Variants in FRMD3 observed in about 807,000 individuals in gnomAD.
FRMD3 encodes the protein FERM domain-containing protein 3.
In FRMD3, 33 loss-of-function variants were observed where a neutral mutation model predicts 70.2. The ratio of observed to expected loss-of-function variants is 0.47; its 90% CI spans 0.36 to 0.63. FRMD3 has a LOEUF of 0.63. Ranked by LOEUF, FRMD3 falls within the 20% of genes least tolerant of loss-of-function variation. The probability of loss-of-function intolerance (pLI) is 0.00; values close to 1 mark genes in which losing one functional copy is unlikely to be tolerated. For missense variants in FRMD3, 632 were observed against 711.4 expected (o/e 0.89, Z 1.27); for synonymous variants, 279 against 255.9 (o/e 1.09, Z -0.86).
At chr9:83,253,557 A>G (rs1035359624) in intron 13 of FRMD3, among the ~76,000 whole-genome samples, 1 of 152,204 alleles carries the variant, frequency 6.6e-6, no homozygotes, top group Non-Finnish European at 1.5e-5. Flanking sequence ...AATCAAAACC[A>G]CAATGAGATA....
At chr9:83,452,848 C>CTT (rs11346596) in intron 1 of FRMD3, among the ~76,000 whole-genome samples, 1,178 of 72,358 alleles carry the variant, frequency 0.016, 3 homozygotes, top group East Asian at 0.032. Context: ...TTTTTATTGC[C>CTT]TTTTTTTTTT....
chr9:83,263,751 G>A (rs1041341235), intron 13 of FRMD3, among the ~76,000 whole-genome samples: 1 of 152,064 alleles, frequency 6.6e-6, no homozygotes, highest in African/African-American at 2.4e-5. Flanking sequence ...TAAAGCAGGT[G>A]GTTTACTGCA....
intron 6 of FRMD3, among the ~76,000 whole-genome samples, chr9:83,329,002 T>G (rs1836137256): frequency 6.6e-6 from 1 of 152,238 alleles, no homozygotes; most frequent in African/African-American, 2.4e-5. Context: ...TCCTTCTTCA[T>G]GGCCACATTG....
At chr9:83,244,122 CCAT>C (rs10564104), downstream of FRMD3, among the ~76,000 whole-genome samples, 120,205 of 150,382 alleles carry the variant, frequency 0.8, 48,194 homozygotes, top group East Asian at 0.96. Context: ...GAGCAAAACT[CCAT>C]CATCATCTCA....
intron 1 of FRMD3, among the ~76,000 whole-genome samples, chr9:83,477,638 T>G (rs11140110): frequency 1.3e-5 from 2 of 151,998 alleles, no homozygotes; most frequent in African/African-American, 2.4e-5. Flanking sequence ...GAAGAAAAGG[T>G]TTTTTGTCTC....
chr9:83,334,419 T>G (rs1342950597), intron 6 of FRMD3, among the ~76,000 whole-genome samples: 1 of 152,132 alleles, frequency 6.6e-6, no homozygotes, highest in Non-Finnish European at 1.5e-5. Context: ...CTTCCCAGAC[T>G]CACCAGTAGG....
intron 1 of FRMD3, among the ~76,000 whole-genome samples, chr9:83,464,243 C>A (rs1216573962): frequency 2.0e-5 from 3 of 152,192 alleles, no homozygotes; most frequent in African/African-American, 4.8e-5. Context: ...ACGGTGTGTT[C>A]TGATCAGAGG....
chr9:83,248,034 A>G lies in FRMD3; in HGVS notation c.1678T>C (p.Cys560Arg). 6.2e-7 allele frequency: 1 copy of G among 1,614,212 alleles called. No homozygotes were observed. Among genetic ancestry groups the G allele is most frequent in the Non-Finnish European group, 8.5e-7 (1 of 1,180,038 alleles). Residue 560 changes from cysteine to arginine, a missense_variant, in exon 14 of 14, where the codon TGC (cysteine) becomes CGC (arginine). Cys to Arg is a radical substitution (Grantham distance 180, BLOSUM62 -3). Transcript: ENST00000304195. Reference protein sequence around the residue: ...LESGIDLSFLCEIRQTPEFEQ... With the variant: ...LESGIDLSFLREIRQTPEFEQ... The stretch of plus-strand genomic sequence containing the variant: ...AACTCTGGTGTCTGGCGGATTTCGC[A>G]TAAGAAGGAGAGATCAATACCTGAC...
At chr9:83,312,062 A>T (rs1835383198) in intron 7 of FRMD3, 87 bp from the exon 8 acceptor site, 2 of 1,001,562 alleles carry the variant, frequency 2.0e-6, no homozygotes, top group Non-Finnish European at 2.9e-6. Flanking sequence ...ATTCATCCTC[A>T]CCCTAGGTTA....
At chr9:83,325,771 G>A (rs1286483321) in intron 6 of FRMD3, among the ~76,000 whole-genome samples, 1 of 152,124 alleles carries the variant, frequency 6.6e-6, no homozygotes, top group Non-Finnish European at 1.5e-5. Context: ...AAACCTGCAG[G>A]CCAAATCTGG....
chr9:83,336,901 A>G (rs1003271026), intron 5 of FRMD3, among the ~76,000 whole-genome samples: 1 of 151,920 alleles, frequency 6.6e-6, no homozygotes, highest in African/African-American at 2.4e-5. Context: ...TGGTTTTGAC[A>G]CAGTAACTGA....
chr9:83,473,039 C>G (rs995538396), intron 1 of FRMD3, among the ~76,000 whole-genome samples: 8 of 152,180 alleles, frequency 5.3e-5, no homozygotes, highest in African/African-American at 1.9e-4. Flanking sequence ...TTTCCCCTTC[C>G]AACGCTTTCT....
chr9:83,375,549 A>T (rs1047023670), intron 2 of FRMD3, among the ~76,000 whole-genome samples: 1 of 152,254 alleles, frequency 6.6e-6, no homozygotes, highest in African/African-American at 2.4e-5. Context: ...AATTACAGGA[A>T]ATCATTTCTT....
intron 13 of FRMD3, among the ~76,000 whole-genome samples, chr9:83,251,704 G>A (rs749340258): frequency 4.6e-5 from 7 of 152,154 alleles, no homozygotes; most frequent in Admixed American, 1.3e-4. Flanking sequence ...AACACAACAC[G>A]AGAACTTCAC....
chr9:83,583,657 G>A, the FRMD3 span, among the ~76,000 whole-genome samples: 28 of 152,230 alleles, frequency 1.8e-4, 1 homozygote, highest in South Asian at 5.6e-3. Flanking sequence ...AGCCCAGGCC[G>A]GAGTGTGGTG....
chr9:83,580,919 A>C, the FRMD3 span, among the ~76,000 whole-genome samples: 5 of 152,160 alleles, frequency 3.3e-5, no homozygotes, highest in Admixed American at 2.6e-4. Flanking sequence ...AATTTTTTTA[A>C]ATGAAAAAAA....
chr9:83,278,366 T>C (rs1454449535), intron 13 of FRMD3, among the ~76,000 whole-genome samples: 10 of 151,960 alleles, frequency 6.6e-5, no homozygotes, highest in Non-Finnish European at 2.9e-5. Flanking sequence ...GGCTACTGTA[T>C]GGAAAATATG....
chr9:83,583,103 C>G, the FRMD3 span, among the ~76,000 whole-genome samples: 1 of 152,124 alleles, frequency 6.6e-6, no homozygotes, highest in Non-Finnish European at 1.5e-5. Flanking sequence ...ATTTTCCATC[C>G]CAAATTATTC....
intron 3 of FRMD3, among the ~76,000 whole-genome samples, chr9:83,364,643 C>T (rs1335341468): frequency 6.6e-6 from 1 of 151,902 alleles, no homozygotes; most frequent in African/African-American, 2.4e-5. Context: ...CAGGATTTTG[C>T]TTCATTGTTT....
Sources: allele counts gnomAD v4.1 joint callset (sites outside exome capture counted in the v4.1 genomes callset), GRCh38; gene constraint gnomAD v4.1.1; transcripts MANE v1.5; gene names NCBI Gene and HGNC (gene_info 2026-07-23, HGNC 2026-07-21).